The following RBBP8 variants were observed in gnomAD, a reference collection of about 807,000 sequenced individuals.
The protein encoded by RBBP8 is DNA endonuclease RBBP8.
In RBBP8, 88 loss-of-function variants were observed where a neutral mutation model predicts 108.3. The ratio of observed to expected loss-of-function variants is 0.81; its 90% CI spans 0.68 to 0.97. The LOEUF (loss-of-function observed/expected upper bound fraction) is 0.97. RBBP8 is among the 50% of genes least tolerant of loss of function. The pLI, the probability that RBBP8 is intolerant of heterozygous loss-of-function variation, is 0.00. For missense variants in RBBP8, 1,023 were observed against 1,049.0 expected, an observed-to-expected ratio of 0.98 and a Z score of 0.34; for synonymous variants, 332 against 348.2, an observed-to-expected ratio of 0.95 and a Z score of 0.52.
intron 10 of RBBP8, among the ~76,000 whole-genome samples, chr18:22,992,022 A>T (rs1915737367): frequency 6.6e-6 from 1 of 152,194 alleles, no homozygotes; most frequent in South Asian, 2.1e-4. Flanking sequence ...TAAGTGGTAG[A>T]GCCAGAGATC....
chr18:22,922,890 C>T (rs1040183241), intron 3 of RBBP8, among the ~76,000 whole-genome samples: 1 of 152,078 alleles, frequency 6.6e-6, no homozygotes, highest in African/African-American at 2.4e-5. Flanking sequence ...AAACTAATAA[C>T]AACAACCATA....
At chr18:23,014,256 G>A (rs766274197) in intron 16 of RBBP8, among the ~76,000 whole-genome samples, 31 of 152,066 alleles carry the variant, frequency 2.0e-4, no homozygotes, top group African/African-American at 3.4e-4. Flanking sequence ...AACACGTATC[G>A]TTCTGCAGAC....
chr18:23,023,415 C>T (rs2046405218), intron 18 of RBBP8, among the ~76,000 whole-genome samples: 1 of 152,146 alleles, frequency 6.6e-6, no homozygotes, highest in Non-Finnish European at 1.5e-5. Context: ...ATGACACTTA[C>T]ATTTAATATA....
chr18:22,937,417 A>C (rs1443209101), intron 2 of RBBP8, among the ~76,000 whole-genome samples: 1 of 151,318 alleles, frequency 6.6e-6, no homozygotes, highest in Non-Finnish European at 1.5e-5. Context: ...ATGTATATAT[A>C]CTTTTTTTTA....
chr18:22,993,926 T>A (rs2045798266), intron 12 of RBBP8, 79 bp downstream of exon 12: 1 of 1,455,838 alleles, frequency 6.9e-7, no homozygotes, highest in East Asian at 2.4e-5. Flanking sequence ...TTAAATAGAT[T>A]GAATTGTTTT....
intron 12 of RBBP8, among the ~76,000 whole-genome samples, 182 bp from the exon 13 acceptor site, chr18:22,996,168 TATTTAGATCCTTTGCCCATCTTTA>T (rs2045853699): frequency 6.6e-6 from 1 of 152,230 alleles, no homozygotes; most frequent in Non-Finnish European, 1.5e-5. Context: ...GAGAACTGTC[TATTTAGATCCTTTGCCCATCTTTA>T]ATTGGGATAT....
intron 4 of RBBP8, among the ~76,000 whole-genome samples, chr18:22,967,133 G>A (rs575022707): frequency 2.6e-3 from 401 of 152,256 alleles, no homozygotes; most frequent in Non-Finnish European, 4.6e-3. Flanking sequence ...TTGGGAGGCG[G>A]AAGCAAGCGG....
intron 4 of RBBP8, among the ~76,000 whole-genome samples, chr18:22,967,987 T>G (rs564032487): frequency 6.6e-6 from 1 of 152,162 alleles, no homozygotes; most frequent in Non-Finnish European, 1.5e-5. Flanking sequence ...TTTTTACTAA[T>G]AATTTTTTTA....
intron 4 of RBBP8, among the ~76,000 whole-genome samples, chr18:22,954,871 G>A (rs1055501455): frequency 1.3e-5 from 2 of 152,070 alleles, no homozygotes; most frequent in Non-Finnish European, 1.5e-5. Flanking sequence ...ATCAGATCTC[G>A]TTAGAACTCA....
chr18:22,927,635 CATT>C (rs1471721215), intron 3 of RBBP8, among the ~76,000 whole-genome samples: 1 of 152,130 alleles, frequency 6.6e-6, no homozygotes, highest in South Asian at 2.1e-4. Flanking sequence ...TAAAAAGTCT[CATT>C]AATTTTTATA....
intron 4 of RBBP8, among the ~76,000 whole-genome samples, chr18:22,951,486 C>T (rs1439642404): frequency 6.6e-6 from 1 of 152,186 alleles, no homozygotes; most frequent in Non-Finnish European, 1.5e-5. Flanking sequence ...CCAAACGCAG[C>T]TTTTCCCACT....
Position 22,986,162 on chromosome 18 carries a change from T to C in RBBP8, c.709+1172T>C, listed in dbSNP as rs563365603. ...CCCCTTAGAGAAAATACTGTAGCTGTTGAGGTTGCGAAAATGAGTAGGAAC... is the reference window on the plus strand; with the variant it reads ...CCCCTTAGAGAAAATACTGTAGCTGCTGAGGTTGCGAAAATGAGTAGGAAC... On this transcript the variant is annotated intron_variant, in intron 8 of 18. Coordinates refer to ENST00000327155, the MANE Select transcript of RBBP8 (RefSeq NM_002894.3). Among the ~76,000 whole-genome samples, 9 of 151,986 alleles carry C rather than the reference T, an allele frequency of 5.9e-5. No homozygotes were observed. In the East Asian group the frequency reaches 1.7e-3, roughly 29 times the overall value.
At chr18:22,991,167 T>C in intron 10 of RBBP8, 118 bp downstream of exon 10, 1 of 804,082 alleles carries the variant, frequency 1.2e-6, no homozygotes, top group Non-Finnish European at 2.0e-6. Flanking sequence ...TGTGGTTATA[T>C]AAATGTTTAC....
chr18:22,983,406 A>G (rs919521329), intron 7 of RBBP8, among the ~76,000 whole-genome samples: 6 of 152,206 alleles, frequency 3.9e-5, no homozygotes, highest in African/African-American at 1.4e-4. Context: ...ATCACCATCT[A>G]GTGGAAAACA....
chr18:22,921,161 T>C (rs552097587), intron 3 of RBBP8, among the ~76,000 whole-genome samples: 4 of 152,284 alleles, frequency 2.6e-5, no homozygotes, highest in Admixed American at 6.5e-5. Context: ...GCGAGTTCTT[T>C]ATTTGGGAAA....
chr18:23,022,812 G>C (rs1320920206), intron 18 of RBBP8, among the ~76,000 whole-genome samples: 1 of 151,554 alleles, frequency 6.6e-6, no homozygotes, highest in African/African-American at 2.4e-5. Context: ...TTTGGAATTA[G>C]AGATTGGTAA....
At chr18:23,011,533 T>C (rs2046161297) in intron 16 of RBBP8, among the ~76,000 whole-genome samples, 2 of 148,538 alleles carry the variant, frequency 1.3e-5, no homozygotes, top group African/African-American at 5.0e-5. Context: ...GCCTCCCGGG[T>C]TCATGCCATT....
At chr18:22,928,179 G>A (rs1410379823) in intron 3 of RBBP8, among the ~76,000 whole-genome samples, 2 of 151,160 alleles carry the variant, frequency 1.3e-5, no homozygotes, top group Admixed American at 6.6e-5. Flanking sequence ...CCAGCCTGGG[G>A]GACAGAGTAA....
intron 15 of RBBP8, among the ~76,000 whole-genome samples, chr18:23,005,311 A>G (rs2046022230): frequency 6.6e-6 from 1 of 152,266 alleles, no homozygotes; most frequent in African/African-American, 2.4e-5. Context: ...AGAAATGACA[A>G]ATGTTTGAGG....
Sources: gnomAD v4.1 joint callset for allele counts (sites outside exome capture counted in the v4.1 genomes callset) on GRCh38, gnomAD v4.1.1 for gene constraint, MANE v1.5 for transcripts, NCBI Gene and HGNC (gene_info 2026-07-23, HGNC 2026-07-21) for gene names.